FBXW4: variants seen among roughly 807,000 people sequenced by gnomAD.
The protein encoded by FBXW4 is F-box/WD repeat-containing protein 4.
In FBXW4, 40 loss-of-function variants were observed where a neutral mutation model predicts 61.8. The observed-to-expected ratio is 0.65, with a 90% CI of 0.50 to 0.84. The LOEUF (loss-of-function observed/expected upper bound fraction) is 0.84. Ranked by LOEUF, FBXW4 falls within the 40% of genes least tolerant of loss-of-function variation. FBXW4 has a pLI of 0.00. For missense variants in FBXW4, 672 were observed against 753.8 expected (o/e 0.89, Z 1.27); for synonymous variants, 311 against 313.8 (o/e 0.99, Z 0.10).
chr10:101,616,155 A>G (rs1156559138), intron 6 of FBXW4, among the ~76,000 whole-genome samples: 1 of 152,106 alleles, frequency 6.6e-6, no homozygotes, highest in Non-Finnish European at 1.5e-5. Flanking sequence ...CTTGAAATGC[A>G]ACAATGGCTT....
At position 101,676,448 on chromosome 10, in the gene FBXW4, C is replaced by T; in HGVS notation, c.726-12G>A. On this transcript the variant is annotated splice_polypyrimidine_tract_variant and intron_variant, in intron 1 of 8. Coordinates refer to ENST00000331272, the MANE Select transcript of FBXW4 (RefSeq NM_022039.4). ...GGACACTGGTCATCCTATGTCCAGA[C>T]AGAACAGATAATCCAATCACTACAA... is the stretch of plus-strand genomic sequence containing the variant. 1.2e-6 allele frequency: 2 copies of T among 1,603,828 alleles called. No homozygotes were observed. Among genetic ancestry groups the T allele is most frequent in the Non-Finnish European group, 1.7e-6 (2 of 1,172,310 alleles).
At chr10:101,665,237 T>C (rs181463660) in intron 5 of FBXW4, among the ~76,000 whole-genome samples, 1 of 152,208 alleles carries the variant, frequency 6.6e-6, no homozygotes, top group East Asian at 1.9e-4. Flanking sequence ...TCTGGTCATC[T>C]AGTGTAAAGA....
chr10:101,671,677 G>C (rs2064359168), intron 4 of FBXW4, among the ~76,000 whole-genome samples: 1 of 152,152 alleles, frequency 6.6e-6, no homozygotes, highest in Non-Finnish European at 1.5e-5. Flanking sequence ...TGCCACAAAA[G>C]GTTTCTATGC....
intron 5 of FBXW4, among the ~76,000 whole-genome samples, chr10:101,657,743 T>C (rs1200784205): frequency 6.6e-6 from 1 of 151,688 alleles, no homozygotes; most frequent in African/African-American, 2.4e-5. Context: ...GTCCAATCCG[T>C]AGTCAGAGAC....
At chr10:101,659,559 C>A (rs1235981594) in intron 5 of FBXW4, 1 of 327,042 alleles carries the variant, frequency 3.1e-6, no homozygotes, top group African/African-American at 2.2e-5. Flanking sequence ...GTCTAGTACA[C>A]ATTCTTGTCA....
intron 5 of FBXW4, among the ~76,000 whole-genome samples, chr10:101,658,555 G>C (rs1022482828): frequency 6.6e-6 from 1 of 152,076 alleles, no homozygotes; most frequent in Non-Finnish European, 1.5e-5. Context: ...GGTGGCAGGG[G>C]GGAATGGTTT....
intron 6 of FBXW4, among the ~76,000 whole-genome samples, chr10:101,617,740 G>A (rs2063836822): frequency 1.3e-5 from 2 of 152,192 alleles, no homozygotes; most frequent in South Asian, 2.1e-4. Flanking sequence ...GCCATAAAGG[G>A]ATAAGGAGAA....
In FBXW4 at chr10:101,694,597, G is replaced by GCCGCCTCCT; in HGVS notation, c.500_508dup (p.Glu167_Ala169dup). 1 of 1,451,286 alleles carries GCCGCCTCCT rather than the reference G, an allele frequency of 6.9e-7. No homozygotes were observed. The highest frequency in any genetic ancestry group is 2.6e-5 in the Admixed American group (1 of 37,872). The allele number at this position is 1,451,286 out of a possible 1,614,324, so 89.9% of individuals were successfully genotyped here. ...GGCCGGGCGGGCAGCCGACTCCCGA[G>GCCGCCTCCT]CCGCCTCCTCCTCCTCCTCCTCCTC... On this transcript the variant is annotated inframe_insertion, in exon 1 of 9. Coordinates refer to ENST00000331272, the MANE Select transcript of FBXW4 (RefSeq NM_022039.4). The surrounding 1 kb of genome is among the most constrained non-coding windows in gnomAD (Gnocchi z 6.0).
chr10:101,621,392 GTGGGGCATGTCTATAGTCCTAACTACT>G (rs1465087837), intron 6 of FBXW4, among the ~76,000 whole-genome samples: 1 of 152,272 alleles, frequency 6.6e-6, no homozygotes, highest in Non-Finnish European at 1.5e-5. Context: ...GCCAAGCATG[GTGGGGCATGTCTATAGTCCTAACTACT>G]TGGGAGGCTG....
intron 5 of FBXW4, among the ~76,000 whole-genome samples, chr10:101,649,818 T>C (rs755873375): frequency 3.3e-5 from 5 of 152,204 alleles, no homozygotes; most frequent in Non-Finnish European, 7.3e-5. Context: ...CCGATCCATA[T>C]GGAAAGTGAA....
At chr10:101,615,394 C>T (rs1047484841) in intron 6 of FBXW4, among the ~76,000 whole-genome samples, 3 of 151,980 alleles carry the variant, frequency 2.0e-5, no homozygotes, top group African/African-American at 4.8e-5. Flanking sequence ...TAGCCTCCGC[C>T]GAGTCAAGTC....
At chr10:101,624,970 C>T in intron 5 of FBXW4, 160 bp from the exon 6 acceptor site, 1 of 751,940 alleles carries the variant, frequency 1.3e-6, no homozygotes, top group Non-Finnish European at 2.3e-6. Flanking sequence ...TGTGGGAAGA[C>T]ATCTTGGAGC....
intron 1 of FBXW4, chr10:101,676,697 G>A (rs1459798862): frequency 2.7e-5 from 3 of 112,614 alleles, no homozygotes; most frequent in African/African-American, 1.1e-4. Flanking sequence ...GGAACCACTG[G>A]ATGTCCAGAT....
intron 1 of FBXW4, among the ~76,000 whole-genome samples, chr10:101,692,013 T>C (rs190130761): frequency 2.6e-5 from 4 of 151,956 alleles, no homozygotes; most frequent in Admixed American, 6.6e-5. Context: ...CGGAAATACA[T>C]AGGAGTAAGT....
In FBXW4 at chr10:101,642,248, T is replaced by C. The variant is rs142804331; in HGVS notation, c.1236-17438A>G. Among the ~76,000 whole-genome samples, 515 of 151,692 alleles carry C rather than the reference T, an allele frequency of 3.4e-3. 11 individuals carry two copies. Among genetic ancestry groups the C allele is most frequent in the African/African-American group, 0.011 (467 of 41,334 alleles). On this transcript the variant is annotated intron_variant, in intron 5 of 8. Coordinates refer to ENST00000331272, the MANE Select transcript of FBXW4 (RefSeq NM_022039.4). ...CTATGAATATATACACATTTAAAAA[T>C]TGAAGCAAAACATGACAAGTGGCCA...
chr10:101,661,999 CT>C (rs1436378046), intron 5 of FBXW4, among the ~76,000 whole-genome samples: 3 of 152,228 alleles, frequency 2.0e-5, no homozygotes, highest in Non-Finnish European at 4.4e-5. Context: ...ACAATCTTTA[CT>C]TTTGATTCTT....
chr10:101,633,005 A>G (rs1162321088), intron 5 of FBXW4, among the ~76,000 whole-genome samples: 1 of 152,206 alleles, frequency 6.6e-6, no homozygotes, highest in African/African-American at 2.4e-5. Context: ...TGTTGCATAC[A>G]ACAGTAGAAA....
intron 5 of FBXW4, among the ~76,000 whole-genome samples, chr10:101,635,907 TC>T (rs1269629405): frequency 6.6e-6 from 1 of 151,100 alleles, no homozygotes; most frequent in African/African-American, 2.4e-5. Context: ...GCCCACTTCC[TC>T]CCTACCCTGG....
intron 1 of FBXW4, among the ~76,000 whole-genome samples, chr10:101,683,990 G>T (rs2064505552): frequency 6.6e-6 from 1 of 152,026 alleles, no homozygotes; most frequent in Non-Finnish European, 1.5e-5. Flanking sequence ...TTGAGACAGG[G>T]TCTCACTGTG....
Sources: gnomAD v4.1 joint callset for allele counts (sites outside exome capture counted in the v4.1 genomes callset) on GRCh38, gnomAD v4.1.1 for gene constraint, Gnocchi (gnomAD v3.1) non-coding constraint, MANE v1.5 for transcripts, NCBI Gene and HGNC (gene_info 2026-07-23, HGNC 2026-07-21) for gene names.